Variants in ABCA7 observed in about 807,000 individuals in gnomAD.
The protein encoded by ABCA7 is phospholipid-transporting ATPase ABCA7.
In ABCA7, 261 loss-of-function variants were observed where a neutral mutation model predicts 227.6. The observed-to-expected ratio is 1.15, with a 90% CI of 1.04 to 1.27. ABCA7 has a LOEUF of 1.27. Among genes scored for constraint, ABCA7 ranks in the 50% most tolerant of loss-of-function variants. The pLI, the probability that ABCA7 is intolerant of heterozygous loss-of-function variation, is 0.00. For synonymous variants in ABCA7, 1,488 were observed against 1,279.7 expected, an observed-to-expected ratio of 1.16 and a Z score of -3.47; for missense variants, 3,331 against 2,924.5, an observed-to-expected ratio of 1.14 and a Z score of -3.21.
At chr19:1,060,207 A>ATATATTTTTTTTTTTTTTTTTTT in intron 40 of ABCA7, among the ~76,000 whole-genome samples, 1 of 96,770 alleles carries the variant, frequency 1.0e-5, no homozygotes, top group African/African-American at 3.5e-5. Context: ...ATATATATAT[A>ATATATTTTTTTTTTTTTTTTTTT]TTTTTTTTTC....
At chr19:1,060,006 G>A (rs1416132854) in intron 40 of ABCA7, among the ~76,000 whole-genome samples, 1 of 151,936 alleles carries the variant, frequency 6.6e-6, no homozygotes, top group Admixed American at 6.6e-5. Flanking sequence ...GAATTTATTG[G>A]ACCCCTATTG....
intron 10 of ABCA7, 76 bp from the exon 11 acceptor site, chr19:1,044,501 C>A (rs2040405471): frequency 6.6e-7 from 1 of 1,521,266 alleles, no homozygotes; most frequent in South Asian, 1.3e-5. Context: ...ACCCGCCTCG[C>A]CTCCCAAAGT....
At position 1,065,303 on chromosome 19, in the gene ABCA7, G is replaced by A; in HGVS notation, c.6319G>A (p.Asp2107Asn). 6.2e-7 allele frequency: 1 copy of A among 1,613,560 alleles called. No homozygotes were observed. Among genetic ancestry groups the A allele is most frequent in the South Asian group, 1.1e-5 (1 of 91,090 alleles). Residue 2107 changes from aspartate to asparagine, a missense_variant, in exon 47 of 47, where the codon GAC (aspartate) becomes AAC (asparagine). By Grantham distance (23) the Asp-to-Asn change is conservative. Transcript: ENST00000263094. ...FLYFSKDQGK[D>N]EDTEEQKEAG... ...GTACTTCTCCAAGGACCAGGGGAAGGACGAGGACACCGAAGAGCAGAAGGA... is the reference window on the plus strand; with the variant it reads ...GTACTTCTCCAAGGACCAGGGGAAGAACGAGGACACCGAAGAGCAGAAGGA...
chr19:1,048,513 A>AC (rs1436807246), intron 16 of ABCA7, among the ~76,000 whole-genome samples: 15 of 141,590 alleles, frequency 1.1e-4, no homozygotes, highest in African/African-American at 4.0e-4. Flanking sequence ...AAAAAAACAA[A>AC]AAAAAAAAAA....
chr19:1,050,344 G>A (rs186642113), intron 18 of ABCA7, among the ~76,000 whole-genome samples: 2,156 of 151,938 alleles, frequency 0.014, 25 homozygotes, highest in Middle Eastern at 0.027. Flanking sequence ...CCCTGGAGGC[G>A]GAGGTTGCAG....
intron 13 of ABCA7, 106 bp downstream of exon 13, chr19:1,046,512 C>T (rs1222879292): frequency 6.9e-7 from 1 of 1,445,566 alleles, no homozygotes; most frequent in Non-Finnish European, 9.2e-7. Flanking sequence ...AGGCTGCGAA[C>T]TTTGCACCTT....
rs3745842 is a variant in ABCA7 at position 1,055,192 on chromosome 19, G to A, written c.4046G>A (p.Arg1349Gln). Residue 1349 changes from arginine (R) to glutamine (Q), a missense_variant, in exon 30 of 47, where the codon CGG (arginine) becomes CAG (glutamine). Arg to Gln is a conservative substitution (Grantham distance 43). Transcript: ENST00000263094. ...CCATCCCCAGCCTGCCAGTGTAGCC[G>A]GCCCGGTGCCCGGCGCCTGCTGCCC... ...ESPSPACQCS[R>Q]PGARRLLPDC... 687,359 of 1,610,906 alleles carry A rather than the reference G, an allele frequency of 0.43. 147,613 individuals carry two copies. The highest frequency in any genetic ancestry group is 0.45 in the South Asian group (41,334 of 90,932).
intron 18 of ABCA7, among the ~76,000 whole-genome samples, chr19:1,050,236 C>T (rs1190834039): frequency 2.0e-5 from 3 of 151,044 alleles, no homozygotes; most frequent in Admixed American, 6.6e-5. Flanking sequence ...TATGGCAAAA[C>T]CATCTCTACT....
Position 1,045,054 on chromosome 19 carries a change from C to T in ABCA7, c.1268C>T (p.Ser423Leu). Residue 423 changes from serine (S) to leucine (L), a missense_variant, in exon 12 of 47, where the codon TCG becomes TTG. Physicochemically the swap from Ser to Leu is moderately radical, Grantham distance 145. Transcript: ENST00000263094. Reference protein sequence around the residue: ...EAAPSEAALVSRALQLLAEHR... With the variant: ...EAAPSEAALVLRALQLLAEHR... ...GCACCCTCAGAGGCAGCCCTGGTGT[C>T]GCGGGCCCTGCAACTGCTCGCGGAA... 1.2e-6 allele frequency: 2 copies of T among 1,612,850 alleles called. No individual in the cohort carries two copies. The highest frequency in any genetic ancestry group is 2.2e-5 in the East Asian group (1 of 44,864).
intron 16 of ABCA7, 92 bp from the exon 17 acceptor site, chr19:1,048,803 C>T (rs562303942): frequency 1.1e-5 from 7 of 655,498 alleles, no homozygotes; most frequent in Middle Eastern, 3.4e-4. Context: ...AGCAAGACTC[C>T]GTCTCAAAAA....
chr19:1,047,118 T>C lies in ABCA7; in HGVS notation c.1846-39T>C. On this transcript the variant is annotated intron_variant, in intron 14 of 46. Coordinates refer to ENST00000263094, the MANE Select transcript of ABCA7 (RefSeq NM_019112.4). ...ACGTGGGTGCGCGCCCCCAGGCCAA[T>C]CCAGGAGCTGCACCCTAAGCTCCCG... 2 of 1,572,630 alleles carry C rather than the reference T, an allele frequency of 1.3e-6. 1 individual carries two copies. Among genetic ancestry groups the C allele is most frequent in the Non-Finnish European group, 1.7e-6 (2 of 1,163,636 alleles).
At position 1,051,170 on chromosome 19, in the gene ABCA7, G is replaced by C; in HGVS notation, c.2700G>C (p.Glu900Asp). Reference protein sequence around the residue: ...NVLFDMLTVDEHVWFYGRLKG... With the variant: ...NVLFDMLTVDDHVWFYGRLKG... ...CTGGCCGCAGGCTGACCGTGGACGA[G>C]CACGTCTGGTTCTATGGGCGGCTGA... Residue 900 changes from glutamate to aspartate, a missense_variant, in exon 20 of 47, where the codon GAG becomes GAC. Physicochemically the swap from Glu to Asp is conservative, Grantham distance 45. Coordinates refer to ENST00000263094, the MANE Select transcript of ABCA7 (RefSeq NM_019112.4). 6.2e-7 allele frequency: 1 copy of C among 1,611,266 alleles called. No homozygotes were observed. The highest frequency in any genetic ancestry group is 8.5e-7 in the Non-Finnish European group (1 of 1,179,926).
chr19:1,058,990 A>G (rs1301621164), intron 39 of ABCA7, 33 bp from the exon 40 acceptor site: 1 of 1,613,506 alleles, frequency 6.2e-7, no homozygotes, highest in Non-Finnish European at 8.5e-7. Context: ...CCACTGGCCC[A>G]CTCACCTTTC....
At position 1,054,617 on chromosome 19, in the gene ABCA7, C is replaced by T; in HGVS notation, c.3774C>T (p.Leu1258=). 6.2e-7 allele frequency: 1 copy of T among 1,613,360 alleles called. No individual in the cohort carries two copies. The highest frequency in any genetic ancestry group is 8.5e-7 in the Non-Finnish European group (1 of 1,179,964). ...TGGGCCTGGCCCTCGTGTTCAGCCT[C>T]ATCGTGCCTCCTTTCGGGCACTACC... ...LFVGLALVFS[L]IVPPFGHYPA... The change falls in exon 28 of 47, where the codon CTC becomes CTT. Residue 1258 remains leucine, a synonymous_variant. Transcript: ENST00000263094. This position sits in a 1 kb window ranked among gnomAD's most constrained non-coding sequence, Gnocchi z 4.8.
At chr19:1,062,042 C>G (rs4147919) in intron 41 of ABCA7, 130 bp from the exon 42 acceptor site, 72,312 of 1,477,580 alleles carry the variant, frequency 0.049, 2,521 homozygotes, top group East Asian at 0.15. Flanking sequence ...CACACGCGGA[C>G]CAGGCCCTGA....
At position 1,041,335 on chromosome 19, in the gene ABCA7, C is replaced by T; in HGVS notation, c.-27C>T. On this transcript the variant is annotated 5_prime_UTR_variant, in exon 2 of 47. Transcript: ENST00000263094. ...CAGCCCGACCGTTGTCCTGACCTCT[C>T]TGTCCCGTCCCCTGCCCAGTCTCAC... is the stretch of plus-strand genomic sequence containing the variant. The T allele has an allele frequency of 1.2e-6, 2 of 1,613,380 alleles. No individual in the cohort carries two copies. Among genetic ancestry groups the T allele is most frequent in the Non-Finnish European group, 1.7e-6 (2 of 1,179,610 alleles).
rs1321717094 is a variant in ABCA7 at position 1,064,213 on chromosome 19, C to T, written c.6004C>T (p.Arg2002Trp). 2 of 1,576,250 alleles carry T rather than the reference C, an allele frequency of 1.3e-6. No individual in the cohort carries two copies. The highest frequency in any genetic ancestry group is 8.6e-7 in the Non-Finnish European group (1 of 1,162,536). The change falls in exon 45 of 47, where the codon CGG becomes TGG. Residue 2002 changes from arginine (R) to tryptophan (W), a missense_variant. Arg to Trp is a moderately radical substitution (Grantham distance 101). Transcript: ENST00000263094. ...CSRLAIMVNG[R>W]FRCLGSPQHL... ...GCGCCTGGCCATCATGGTGAATGGGCGGTTCCGCTGCCTGGGCAGCCCGCA... is the reference window on the plus strand; with the variant it reads ...GCGCCTGGCCATCATGGTGAATGGGTGGTTCCGCTGCCTGGGCAGCCCGCA...
rs772111315 is a variant in ABCA7 at position 1,051,182 on chromosome 19, C to T, written c.2712C>T (p.Phe904=). 1.7e-5 allele frequency: 27 copies of T among 1,611,172 alleles called. No homozygotes were observed. The South Asian group carries it at 3.0e-4, about 18-fold the overall frequency. ...TGACCGTGGACGAGCACGTCTGGTT[C>T]TATGGGCGGCTGAAGGGTCTGAGTG... The part of the protein sequence containing the change: ...DMLTVDEHVW[F]YGRLKGLSAA... Residue 904 remains phenylalanine, a synonymous_variant, in exon 20 of 47, where the codon TTC becomes TTT. Transcript: ENST00000263094.
In ABCA7 at chr19:1,056,254, G is replaced by T. The variant is rs764294615; in HGVS notation, c.4416+11G>T. 13 of 1,590,268 alleles carry T rather than the reference G, an allele frequency of 8.2e-6. No homozygotes were observed. The highest frequency in any genetic ancestry group is 6.7e-5 in the East Asian group (3 of 44,532). ...CAGGACAGTCTCAAGGTGGGAACTG[G>T]GGGGGCAGGTGGGCGTCCTGTCACA... is the stretch of plus-strand genomic sequence containing the variant. On this transcript the variant is annotated intron_variant, in intron 32 of 46. Coordinates refer to ENST00000263094, the MANE Select transcript of ABCA7 (RefSeq NM_019112.4). This position sits in a 1 kb window ranked among gnomAD's most constrained non-coding sequence, Gnocchi z 4.3.
Sources: gnomAD v4.1 joint callset for allele counts (sites outside exome capture counted in the v4.1 genomes callset) on GRCh38, gnomAD v4.1.1 for gene constraint, Gnocchi (gnomAD v3.1) non-coding constraint, MANE v1.5 for transcripts, NCBI Gene and HGNC (gene_info 2026-07-23, HGNC 2026-07-21) for gene names.